ANKRD45: variants seen among roughly 807,000 people sequenced by gnomAD.
ANKRD45 encodes the protein ankyrin repeat domain-containing protein 45.
A neutral mutation model predicts 28.1 loss-of-function variants in ANKRD45; 21 were observed. The ratio of observed to expected loss-of-function variants is 0.75; its 90% CI spans 0.53 to 1.08. The LOEUF (loss-of-function observed/expected upper bound fraction) is 1.08. Ranked by LOEUF, ANKRD45 falls within the 50% of genes least tolerant of loss-of-function variation. ANKRD45 has a pLI of 0.00. For synonymous variants in ANKRD45, 86 were observed against 103.9 expected, an observed-to-expected ratio of 0.83 and a Z score of 1.05; for missense variants, 261 against 308.7, an observed-to-expected ratio of 0.85 and a Z score of 1.16.
chr1:173,663,366 A>G (rs958218301), intron 1 of ANKRD45, among the ~76,000 whole-genome samples: 1 of 152,126 alleles, frequency 6.6e-6, no homozygotes, highest in African/African-American at 2.4e-5. Context: ...ATGAGAACAT[A>G]CTGTGGTTCT....
At chr1:173,663,965 T>C (rs1257032521) in intron 1 of ANKRD45, among the ~76,000 whole-genome samples, 14 of 152,214 alleles carry the variant, frequency 9.2e-5, no homozygotes, top group East Asian at 1.9e-4. Flanking sequence ...AACAAAGCAA[T>C]GTTTCTCTTT....
the ANKRD45 span, among the ~76,000 whole-genome samples, chr1:173,692,853 T>C: frequency 6.6e-6 from 1 of 152,196 alleles, no homozygotes; most frequent in South Asian, 2.1e-4. Context: ...AGTGATTATT[T>C]CACCAGGCAG....
chr1:173,620,685 T>A (rs1667661028), intron 5 of ANKRD45, among the ~76,000 whole-genome samples: 1 of 151,966 alleles, frequency 6.6e-6, no homozygotes, highest in Admixed American at 6.6e-5. Context: ...ATGGCACATG[T>A]ATACATATGT....
the ANKRD45 span, among the ~76,000 whole-genome samples, chr1:173,711,775 C>A: frequency 2.0e-5 from 3 of 152,202 alleles, no homozygotes; most frequent in Non-Finnish European, 4.4e-5. Flanking sequence ...ATAAACACAT[C>A]TCTAAATGGA....
At chr1:173,678,431 T>G in the ANKRD45 span, among the ~76,000 whole-genome samples, 3 of 152,060 alleles carry the variant, frequency 2.0e-5, no homozygotes, top group African/African-American at 7.2e-5. Context: ...TTAAACAGAA[T>G]CCATCACATA....
At chr1:173,631,787 G>C (rs1668207639) in intron 3 of ANKRD45, among the ~76,000 whole-genome samples, 1 of 151,846 alleles carries the variant, frequency 6.6e-6, no homozygotes, top group East Asian at 1.9e-4. Context: ...TTAAATTCTT[G>C]CAACAAATGA....
At chr1:173,686,412 G>A in the ANKRD45 span, among the ~76,000 whole-genome samples, 5 of 152,150 alleles carry the variant, frequency 3.3e-5, no homozygotes, top group Non-Finnish European at 7.3e-5. Flanking sequence ...ACTTGGGTGT[G>A]ATGAGTCCAT....
the ANKRD45 span, among the ~76,000 whole-genome samples, chr1:173,709,833 T>C: frequency 1.3e-5 from 2 of 152,156 alleles, no homozygotes; most frequent in Admixed American, 1.3e-4. Flanking sequence ...AGTCTGCCTA[T>C]GTTGCCCAAG....
chr1:173,636,862 T>A, intron 3 of ANKRD45: 1 of 1,535,830 alleles, frequency 6.5e-7, no homozygotes, highest in Non-Finnish European at 8.7e-7. Flanking sequence ...AACCTGGTAA[T>A]GATCTAGAAA....
rs555233808 is a variant in ANKRD45, at chr1:173,652,933, G to A, written c.329-5920C>T. On this transcript the variant is annotated intron_variant, in intron 2 of 5. Coordinates refer to ENST00000333279, the MANE Select transcript of ANKRD45 (RefSeq NM_198493.3). ...TGGTAGTTTGTATTTCTGTGGGATC[G>A]GTGGTGACATCCCCTTTATCATTTT... Among the ~76,000 whole-genome samples, 210 of 152,148 alleles carry A rather than the reference G, an allele frequency of 1.4e-3. 1 individual carries two copies. The highest frequency in any genetic ancestry group is 2.1e-3 in the Non-Finnish European group (141 of 67,970).
At chr1:173,643,725 T>G (rs1034617711) in intron 3 of ANKRD45, among the ~76,000 whole-genome samples, 1 of 152,126 alleles carries the variant, frequency 6.6e-6, no homozygotes, top group African/African-American at 2.4e-5. Flanking sequence ...GACAGAAGAT[T>G]TGACTTAAAG....
the ANKRD45 span, among the ~76,000 whole-genome samples, chr1:173,709,602 A>G: frequency 6.6e-5 from 10 of 151,918 alleles, no homozygotes; most frequent in African/African-American, 2.2e-4. Context: ...GTTACCCTCT[A>G]GACCATATCT....
chr1:173,674,881 A>G, the ANKRD45 span, among the ~76,000 whole-genome samples: 1 of 152,102 alleles, frequency 6.6e-6, no homozygotes, highest in South Asian at 2.1e-4. Context: ...TTTTTGGAGA[A>G]AGCATATTAA....
At chr1:173,625,586 G>C (rs1485952346) in intron 4 of ANKRD45, among the ~76,000 whole-genome samples, 2 of 152,080 alleles carry the variant, frequency 1.3e-5, no homozygotes, top group Non-Finnish European at 2.9e-5. Flanking sequence ...AAATACATTT[G>C]TGGTATGTCC....
At chr1:173,638,999 G>A (rs1251093938) in intron 3 of ANKRD45, among the ~76,000 whole-genome samples, 1 of 152,186 alleles carries the variant, frequency 6.6e-6, no homozygotes, top group Non-Finnish European at 1.5e-5. Flanking sequence ...TTCAGTAATT[G>A]ATGGAGAAAC....
chr1:173,631,470 A>G (rs962486215), intron 3 of ANKRD45, among the ~76,000 whole-genome samples: 1 of 152,116 alleles, frequency 6.6e-6, no homozygotes, highest in African/African-American at 2.4e-5. Context: ...CTTAATCTAC[A>G]CTACAGACCA....
intron 5 of ANKRD45, among the ~76,000 whole-genome samples, chr1:173,615,256 G>A (rs918157622): frequency 1.3e-5 from 2 of 151,882 alleles, no homozygotes; most frequent in African/African-American, 2.4e-5. Context: ...GCGGTGGCAC[G>A]TGCCTGTAAT....
rs930053467 is a variant in ANKRD45, at chr1:173,616,057, C to G, written c.731-5842G>C. On this transcript the variant is annotated intron_variant, in intron 5 of 5. Transcript: ENST00000333279. Reference sequence around the variant, plus strand: ...GGCGGAGCTTGCAGTAAGCCGAGATCATGCCACCGCACTCCAGCCTGGGCA... The same window carrying G: ...GGCGGAGCTTGCAGTAAGCCGAGATGATGCCACCGCACTCCAGCCTGGGCA... 4.0e-5 allele frequency among the ~76,000 whole-genome samples: 6 copies of G among 151,340 alleles called. No individual in the cohort carries two copies. In the South Asian group the frequency reaches 1.3e-3, roughly 32 times the overall value.
At position 173,644,980 on chromosome 1, in the gene ANKRD45, C is replaced by G. The variant is rs547573529; in HGVS notation, c.496+1866G>C. On this transcript the variant is annotated intron_variant, in intron 3 of 5. Coordinates refer to ENST00000333279, the MANE Select transcript of ANKRD45 (RefSeq NM_198493.3). ...TGTACTCCAGCTGGGGCAACAAGAG[C>G]GAAACTCCATCTCAAAAAAAAAAAA... is the stretch of plus-strand genomic sequence containing the variant. Among the ~76,000 whole-genome samples, 3 of 127,646 alleles carry G rather than the reference C, an allele frequency of 2.4e-5. No homozygotes were observed. In the East Asian group the frequency reaches 7.2e-4, roughly 31 times the overall value. 83.7% of individuals were successfully genotyped at this position (127,646 alleles called of 152,430 possible). A position where few individuals can be genotyped will look rare whatever the true frequency, so the allele number is the denominator to read the frequency against.
Sources: allele counts gnomAD v4.1 joint callset (sites outside exome capture counted in the v4.1 genomes callset), GRCh38; gene constraint gnomAD v4.1.1; transcripts MANE v1.5; gene names NCBI Gene and HGNC (gene_info 2026-07-23, HGNC 2026-07-21).